Variants in GRM4 observed in about 807,000 individuals in gnomAD.
GRM4 encodes glutamate metabotropic receptor 4, also known as metabotropic glutamate receptor 4.
A neutral mutation model predicts 81.7 loss-of-function variants in GRM4; 28 were observed. The observed-to-expected ratio is 0.34, with a 90% CI of 0.25 to 0.47. The LOEUF (loss-of-function observed/expected upper bound fraction) is 0.47, where lower values mean the gene tolerates loss of function less well. GRM4 is among the 20% of genes least tolerant of loss of function. The probability of loss-of-function intolerance (pLI) is 1.00; values close to 1 mark genes in which losing one functional copy is unlikely to be tolerated. For synonymous variants in GRM4, 488 were observed against 528.8 expected, an observed-to-expected ratio of 0.92 and a Z score of 1.06; for missense variants, 948 against 1,290.0, an observed-to-expected ratio of 0.73 and a Z score of 4.06.
At chr6:34,145,449 G>A (rs995018934) in intron 1 of GRM4, among the ~76,000 whole-genome samples, 7 of 152,202 alleles carry the variant, frequency 4.6e-5, no homozygotes, top group Non-Finnish European at 1.0e-4. Flanking sequence ...GGGTCTGGCC[G>A]AGAGCTCCGG....
intron 2 of GRM4, among the ~76,000 whole-genome samples, chr6:34,096,507 T>A (rs899946823): frequency 1.3e-5 from 2 of 152,198 alleles, no homozygotes; most frequent in African/African-American, 4.8e-5. Context: ...CAACAGGCCC[T>A]CCAAGCACCC....
In GRM4 at chr6:34,022,575, A is replaced by G. The variant is rs1562002539; in HGVS notation, c.*246T>C. 3 of 556,124 alleles carry G rather than the reference A, an allele frequency of 5.4e-6. No homozygotes were observed. Among genetic ancestry groups the G allele is most frequent in the Non-Finnish European group, 9.7e-6 (3 of 309,174 alleles). 34.4% of individuals were successfully genotyped at this position (556,124 alleles called of 1,614,324 possible). On this transcript the variant is annotated 3_prime_UTR_variant, in exon 11 of 11. Transcript: ENST00000538487. The surrounding 1 kb of genome is among the most constrained non-coding windows in gnomAD (Gnocchi z 5.6). Reference sequence around the variant, plus strand: ...CTGTGGTTTGGGGCCGGGAGGGGCAATGGTCCAAGACGCAGGTTCTTGTGG... The same window carrying G: ...CTGTGGTTTGGGGCCGGGAGGGGCAGTGGTCCAAGACGCAGGTTCTTGTGG...
In GRM4 at chr6:34,047,763, T is replaced by A. The variant is rs1191363337; in HGVS notation, c.1169-7015A>T. Among the ~76,000 whole-genome samples the A allele has an allele frequency of 6.6e-6, 1 of 152,042 alleles. No homozygotes were observed. The highest frequency in any genetic ancestry group is 1.5e-5 in the Non-Finnish European group (1 of 68,012). On this transcript the variant is annotated intron_variant, in intron 6 of 10. Coordinates refer to ENST00000538487, the MANE Select transcript of GRM4 (RefSeq NM_000841.4). This position sits in a 1 kb window ranked among gnomAD's most constrained non-coding sequence, Gnocchi z 4.5. ...GGGCCAAAAGGGATCCCCATCTCAG[T>A]GATAAGGAAACTGAGGCCTGAGGAG...
At chr6:34,125,779 C>T (rs1158987628) in intron 2 of GRM4, among the ~76,000 whole-genome samples, 6 of 152,234 alleles carry the variant, frequency 3.9e-5, no homozygotes, top group African/African-American at 1.4e-4. Flanking sequence ...GGAGGTTCCC[C>T]TTCCCAGGCT....
Position 34,111,068 on chromosome 6 carries a change from C to A in GRM4, c.520-18969G>T. ...TCCGTCTCATGCATTTGGATATCAG[C>A]TGACAGCAGCAGGGGCCAGGGAGGA... is the stretch of plus-strand genomic sequence containing the variant. On this transcript the variant is annotated intron_variant, in intron 2 of 10. Transcript: ENST00000538487. This position sits in a 1 kb window ranked among gnomAD's most constrained non-coding sequence, Gnocchi z 5.1. 1 of 201,368 alleles carries A rather than the reference C, an allele frequency of 5.0e-6. No individual in the cohort carries two copies. The highest frequency in any genetic ancestry group is 9.9e-6 in the Non-Finnish European group (1 of 101,056). 12.5% of individuals were successfully genotyped at this position (201,368 alleles called of 1,614,324 possible).
rs1327880621 is a variant in GRM4 at position 34,142,365 on chromosome 6, A to C, written c.-364+3635T>G. 3.3e-5 allele frequency among the ~76,000 whole-genome samples: 5 copies of C among 152,274 alleles called. No homozygotes were observed. The South Asian group carries it at 8.3e-4, about 25-fold the overall frequency. On this transcript the variant is annotated intron_variant, in intron 1 of 10. Coordinates refer to ENST00000538487, the MANE Select transcript of GRM4 (RefSeq NM_000841.4). ...GCTGCCAGTGCGTCCTGCCCACTGGAAAGTTGGGTTCTAGACCGAGCAGAG... is the reference window on the plus strand; with the variant it reads ...GCTGCCAGTGCGTCCTGCCCACTGGCAAGTTGGGTTCTAGACCGAGCAGAG...
At position 34,074,307 on chromosome 6, in the gene GRM4, C is replaced by T. The variant is rs563597583; in HGVS notation, c.737-12279G>A. ...TCTGTGAAATGGGATGGTATGAACC[C>T]TGTCCCCGAGACATAGCAGGGTTGC... is the stretch of plus-strand genomic sequence containing the variant. On this transcript the variant is annotated intron_variant, in intron 3 of 10. Coordinates refer to ENST00000538487, the MANE Select transcript of GRM4 (RefSeq NM_000841.4). This position sits in a 1 kb window ranked among gnomAD's most constrained non-coding sequence, Gnocchi z 4.9. Among the ~76,000 whole-genome samples the T allele has an allele frequency of 2.0e-5, 3 of 152,272 alleles. No individual in the cohort carries two copies. Among genetic ancestry groups the T allele is most frequent in the African/African-American group, 7.2e-5 (3 of 41,472 alleles).
rs1339758257 is a variant in GRM4, at chr6:34,074,854, C to A, written c.737-12826G>T. Among the ~76,000 whole-genome samples the A allele has an allele frequency of 6.6e-6, 1 of 152,136 alleles. No individual in the cohort carries two copies. The highest frequency in any genetic ancestry group is 1.9e-4 in the East Asian group (1 of 5,202). On this transcript the variant is annotated intron_variant, in intron 3 of 10. Transcript: ENST00000538487. This position sits in a 1 kb window ranked among gnomAD's most constrained non-coding sequence, Gnocchi z 4.9. The stretch of plus-strand genomic sequence containing the variant: ...ACACAAAGAGATGGCTGGTTCCTGG[C>A]CCCCACCAAAAGCCCCCCAGAGGTC...
upstream of GRM4, among the ~76,000 whole-genome samples, chr6:34,147,300 G>C (rs989058363): frequency 1.3e-5 from 2 of 152,194 alleles, no homozygotes; most frequent in Non-Finnish European, 2.9e-5. Context: ...CCCTTGAGGA[G>C]TGCACCCCGT....
At chr6:34,083,183 G>A (rs548303328) in intron 3 of GRM4, among the ~76,000 whole-genome samples, 1 of 152,236 alleles carries the variant, frequency 6.6e-6, no homozygotes, top group East Asian at 1.9e-4. Context: ...CTGGACGAGC[G>A]CATCAGGCAG....
chr6:34,052,048 C>T (rs1189981487), intron 6 of GRM4, among the ~76,000 whole-genome samples: 1 of 152,238 alleles, frequency 6.6e-6, no homozygotes, highest in African/African-American at 2.4e-5. Flanking sequence ...CCAGTCCAGC[C>T]TCCAGCTGCC....
intron 8 of GRM4, among the ~76,000 whole-genome samples, chr6:34,037,702 A>G (rs1764782859): frequency 6.6e-6 from 1 of 152,078 alleles, no homozygotes; most frequent in Admixed American, 6.6e-5. Flanking sequence ...GTCTCTACTG[A>G]AAATACAAAA....
intron 2 of GRM4, 133 bp downstream of exon 2, chr6:34,132,845 G>C: frequency 1.5e-6 from 1 of 682,652 alleles, no homozygotes; most frequent in Middle Eastern, 2.6e-4. Context: ...ACTGCTCTGA[G>C]GAAAAAACTG....
chr6:34,067,381 C>T (rs1463579672), intron 3 of GRM4, among the ~76,000 whole-genome samples: 2 of 147,918 alleles, frequency 1.4e-5, no homozygotes, highest in South Asian at 4.3e-4. Flanking sequence ...TCCCTCCCTC[C>T]GTCCTTCCCT....
chr6:34,050,446 A>C (rs1171086319), intron 6 of GRM4, among the ~76,000 whole-genome samples: 1 of 151,908 alleles, frequency 6.6e-6, no homozygotes, highest in Non-Finnish European at 1.5e-5. Context: ...TAGTTACAAG[A>C]TTTGATTGTT....
Position 34,036,250 on chromosome 6 carries a change from G to A in GRM4, c.1860C>T (p.Ala620=). Residue 620 remains alanine (A), a synonymous_variant, in exon 9 of 11, where the codon GCC becomes GCT. Coordinates refer to ENST00000538487, the MANE Select transcript of GRM4 (RefSeq NM_000841.4). This position sits in a 1 kb window ranked among gnomAD's most constrained non-coding sequence, Gnocchi z 9.0. The part of the protein sequence containing the change: ...VRYNDTPIVK[A]SGRELSYVLL... The stretch of plus-strand genomic sequence containing the variant: ...GCACGTAGCTCAGTTCACGGCCCGA[G>A]GCCTTGACGATGGGCGTGTCGTTGT... 6.2e-7 allele frequency: 1 copy of A among 1,614,166 alleles called. No homozygotes were observed.
chr6:34,071,287 CCACACACACA>C (rs1051066447), intron 3 of GRM4, among the ~76,000 whole-genome samples: 1 of 146,708 alleles, frequency 6.8e-6, no homozygotes. Context: ...GAGATACACA[CCACACACACA>C]CATCACCACA....
rs569533218 is a variant in GRM4 at position 34,090,823 on chromosome 6, T to C, written c.736+1060A>G. Among the ~76,000 whole-genome samples the C allele has an allele frequency of 6.6e-6, 1 of 152,128 alleles. No homozygotes were observed. Among genetic ancestry groups the C allele is most frequent in the Non-Finnish European group, 1.5e-5 (1 of 68,008 alleles). ...TCCTGAGGCCATGAGGGTATAAATA[T>C]ACAGACGCCATCACCCAAGGTCTCG... On this transcript the variant is annotated intron_variant, in intron 3 of 10. Transcript: ENST00000538487. The surrounding 1 kb of genome is among the most constrained non-coding windows in gnomAD (Gnocchi z 5.2).
upstream of GRM4, among the ~76,000 whole-genome samples, chr6:34,150,299 G>A (rs766038912): frequency 2.0e-5 from 3 of 152,230 alleles, no homozygotes; most frequent in Non-Finnish European, 4.4e-5. Context: ...GCAGGAGCAG[G>A]TAGGTGAGGA....
Sources: gnomAD v4.1 joint callset for allele counts (sites outside exome capture counted in the v4.1 genomes callset) on GRCh38, gnomAD v4.1.1 for gene constraint, Gnocchi (gnomAD v3.1) non-coding constraint, MANE v1.5 for transcripts, NCBI Gene and HGNC (gene_info 2026-07-23, HGNC 2026-07-21) for gene names.